The following HEATR3 variants were observed in gnomAD, a reference collection of about 807,000 sequenced individuals.
HEATR3 encodes the protein HEAT repeat containing 3.
Under a neutral mutation model 72.8 loss-of-function variants are expected in HEATR3, and 56 were observed. The observed-to-expected ratio is 0.77, with a 90% CI of 0.62 to 0.96. The LOEUF (loss-of-function observed/expected upper bound fraction) is 0.96, where lower values mean the gene tolerates loss of function less well. Among genes scored for constraint, HEATR3 ranks in the 40% least tolerant of loss-of-function variants. The pLI, the probability that HEATR3 is intolerant of heterozygous loss-of-function variation, is 0.00. For synonymous variants in HEATR3, 331 were observed against 318.1 expected, an observed-to-expected ratio of 1.04 and a Z score of -0.43; for missense variants, 747 against 831.4, an observed-to-expected ratio of 0.90 and a Z score of 1.25.
chr16:50,066,288 C>T lies in HEATR3; in HGVS notation c.138+19C>T, dbSNP rs2150592009. 3 of 1,577,416 alleles carry T rather than the reference C, an allele frequency of 1.9e-6. No homozygotes were observed. Among genetic ancestry groups the T allele is most frequent in the African/African-American group, 1.4e-5 (1 of 73,020 alleles). ...GGAAAAGGTGAGGCGAGGGCTCCGT[C>T]GGGCCGGGAGGCGAGACGAGGTTGC... is the stretch of plus-strand genomic sequence containing the variant. On this transcript the variant is annotated intron_variant, in intron 1 of 14. Transcript: ENST00000299192.
chr16:50,102,524 C>T (rs2037391701), intron 14 of HEATR3, 89 bp downstream of exon 14: 1 of 1,181,706 alleles, frequency 8.5e-7, no homozygotes, highest in Admixed American at 2.1e-5. Context: ...AACTCAGAAG[C>T]ATGTGCATGA....
intron 13 of HEATR3, 109 bp from the exon 14 acceptor site, chr16:50,102,150 C>T: frequency 8.5e-6 from 7 of 824,984 alleles, no homozygotes; most frequent in South Asian, 2.1e-5. Flanking sequence ...TTAATTTTTC[C>T]CTGGCATTTG....
Position 50,104,975 on chromosome 16 carries a change from C to G in HEATR3, c.1957C>G (p.Gln653Glu), listed in dbSNP as rs895233192. ...KEGRGNYSTD[Q>E]LCVLDNVKMN... is the part of the protein sequence containing the mutation. ...AGGGAGAGGTAACTATAGCACAGAT[C>G]AGCTGTGTGTTCTTGACAATGTGAA... Residue 653 changes from glutamine (Q) to glutamate (E), a missense_variant, in exon 15 of 15, where the codon CAG becomes GAG. By Grantham distance (29) the Gln-to-Glu change is conservative. Around this residue, in one of 2 missense-constraint regions of HEATR3, gnomAD observed 586 missense variants for 708.8 expected, o/e 0.83. Transcript: ENST00000299192. 1.2e-6 allele frequency: 2 copies of G among 1,612,090 alleles called. No homozygotes were observed. The highest frequency in any genetic ancestry group is 2.7e-5 in the African/African-American group (2 of 74,916).
In HEATR3 at chr16:50,084,441, T is replaced by C. The variant is rs2036942948; in HGVS notation, c.1291-128T>C. The C allele has an allele frequency of 2.6e-6, 3 of 1,163,410 alleles. No homozygotes were observed. In the African/African-American group the frequency reaches 4.6e-5, roughly 18 times the overall value. 72.1% of individuals were successfully genotyped at this position (1,163,410 alleles called of 1,614,324 possible). On this transcript the variant is annotated intron_variant, in intron 9 of 14. Coordinates refer to ENST00000299192, the MANE Select transcript of HEATR3 (RefSeq NM_182922.4). ...AAGCTGAGCCTAACAGTACTGGAAA[T>C]AGGCGAAAAGGTCATTCTATATGAA... is the stretch of plus-strand genomic sequence containing the variant.
chr16:50,098,520 G>A (rs1435695030), intron 12 of HEATR3, among the ~76,000 whole-genome samples: 1 of 152,108 alleles, frequency 6.6e-6, no homozygotes. Context: ...GCCGGGTGTG[G>A]TGGCGGGTGC....
Position 50,070,229 on chromosome 16 carries a change from C to G in HEATR3, c.451C>G (p.Gln151Glu). 1 of 1,610,710 alleles carries G rather than the reference C, an allele frequency of 6.2e-7. No homozygotes were observed. The highest frequency in any genetic ancestry group is 8.5e-7 in the Non-Finnish European group (1 of 1,177,848). Reference protein sequence around the residue: ...NEMSLQEKKDQNRNSIENIAN... With the variant: ...NEMSLQEKKDENRNSIENIAN... ...GATGTCTCTGCAGGAGAAAAAAGAT[C>G]AGAACAGAAATTCTATTGAGAACAT... The change falls in exon 4 of 15, where the codon CAG (glutamine) becomes GAG (glutamate). Residue 151 changes from glutamine (Q) to glutamate (E), a missense_variant. Gln to Glu is a conservative substitution (Grantham distance 29, BLOSUM62 2). Coordinates refer to ENST00000299192, the MANE Select transcript of HEATR3 (RefSeq NM_182922.4).
chr16:50,070,217 G>T lies in HEATR3; in HGVS notation c.439G>T (p.Glu147Ter). ...GGATTCAAATGAGATGTCTCTGCAG[G>T]AGAAAAAAGATCAGAACAGAAATTC... ...GLDSNEMSLQ[E>*]KKDQNRNSIE... Residue 147 changes from glutamate to a stop codon, truncating the protein, a stop_gained, in exon 4 of 15, where the codon GAG becomes TAG. Coordinates refer to ENST00000299192, the MANE Select transcript of HEATR3 (RefSeq NM_182922.4). LOFTEE classifies it high-confidence loss of function. 1 of 1,609,518 alleles carries T rather than the reference G, an allele frequency of 6.2e-7. No homozygotes were observed. The highest frequency in any genetic ancestry group is 8.5e-7 in the Non-Finnish European group (1 of 1,176,896).
rs2037479192 is a variant in HEATR3, at chr16:50,105,938, A to G, written c.*877A>G. The G allele has an allele frequency of 1.3e-5, 2 of 152,162 alleles. No homozygotes were observed. Among genetic ancestry groups the G allele is most frequent in the Admixed American group, 1.3e-4 (2 of 15,266 alleles). The allele number at this position is 152,162 out of a possible 1,614,324, so 9.4% of individuals were successfully genotyped here. A position where few individuals can be genotyped will look rare whatever the true frequency, so the allele number is the denominator to read the frequency against. On this transcript the variant is annotated 3_prime_UTR_variant, in exon 15 of 15. Transcript: ENST00000299192. The stretch of plus-strand genomic sequence containing the variant: ...GCGCTCTCTAAATTATGTCTCTGGC[A>G]TATTTTAATCACTGGAAACTCAAAG...
intron 11 of HEATR3, among the ~76,000 whole-genome samples, chr16:50,090,873 G>A (rs542121740): frequency 5.9e-5 from 9 of 152,190 alleles, no homozygotes; most frequent in Non-Finnish European, 1.2e-4. Flanking sequence ...GGCTGGGCGC[G>A]GTGGCTCACA....
rs773730741 is a variant in HEATR3, at chr16:50,083,896, C to T, written c.1042-41C>T. On this transcript the variant is annotated intron_variant, in intron 7 of 14. Coordinates refer to ENST00000299192, the MANE Select transcript of HEATR3 (RefSeq NM_182922.4). ...AAATTCCCCAAAAACATTTTCCCAA[C>T]CATTGAGAGTTGGTCATTTACTTTT... 3 of 1,540,088 alleles carry T rather than the reference C, an allele frequency of 1.9e-6. No individual in the cohort carries two copies. In the East Asian group the frequency reaches 6.8e-5, roughly 35 times the overall value.
Position 50,094,759 on chromosome 16 carries a change from T to C in HEATR3, c.1565T>C (p.Leu522Pro). ...GCCATAAGTAGTGCTTTGAGGGCCC[T>C]TTTGCAAACAATGGCCTCCAAGAAC... ...LEAISSALRALLQTMASKNIS... is the reference protein window; with the variant it reads ...LEAISSALRAPLQTMASKNIS... Residue 522 changes from leucine to proline, a missense_variant, in exon 12 of 15, where the codon CTT becomes CCT. By Grantham distance (98) the Leu-to-Pro change is moderately conservative. Transcript: ENST00000299192. The C allele has an allele frequency of 6.3e-7, 1 of 1,595,598 alleles. No individual in the cohort carries two copies. Among genetic ancestry groups the C allele is most frequent in the Non-Finnish European group, 8.5e-7 (1 of 1,172,290 alleles).
At position 50,087,818 on chromosome 16, in the gene HEATR3, T is replaced by C. The variant is rs550649504; in HGVS notation, c.1510+1467T>C. The stretch of plus-strand genomic sequence containing the variant: ...CCTCCTTTTCAGACACAACATTAAG[T>C]CCAAGAATTGAACTCTTAAAAGATC... On this transcript the variant is annotated intron_variant, in intron 11 of 14. Coordinates refer to ENST00000299192, the MANE Select transcript of HEATR3 (RefSeq NM_182922.4). 1.4e-4 allele frequency among the ~76,000 whole-genome samples: 22 copies of C among 152,238 alleles called. No individual in the cohort carries two copies. The East Asian group carries it at 4.1e-3, about 28-fold the overall frequency.
chr16:50,087,853 G>A (rs763774020), intron 11 of HEATR3, among the ~76,000 whole-genome samples: 6 of 152,112 alleles, frequency 3.9e-5, no homozygotes, highest in African/African-American at 9.7e-5. Flanking sequence ...CAGGCCAGGC[G>A]CGGTGGCTCA....
chr16:50,072,949 A>T, intron 5 of HEATR3: 1 of 431,094 alleles, frequency 2.3e-6, no homozygotes, highest in Non-Finnish European at 4.2e-6. Context: ...TTATGTGAGG[A>T]TATGTGGTTT....
At chr16:50,090,660 C>T (rs548989133) in intron 11 of HEATR3, among the ~76,000 whole-genome samples, 7 of 152,218 alleles carry the variant, frequency 4.6e-5, no homozygotes, top group Admixed American at 3.3e-4. Flanking sequence ...AACATCAATG[C>T]GTTTTTTAGC....
At position 50,086,202 on chromosome 16, in the gene HEATR3, A is replaced by G. The variant is rs1271387749; in HGVS notation, c.1374-13A>G. On this transcript the variant is annotated splice_polypyrimidine_tract_variant and intron_variant, in intron 10 of 14. Transcript: ENST00000299192. The stretch of plus-strand genomic sequence containing the variant: ...CTGGAGAATCAGATGGCATTGTTTC[A>G]CTTCCTTTCCAGAATGAACACTATT... 1 of 1,566,916 alleles carries G rather than the reference A, an allele frequency of 6.4e-7. No individual in the cohort carries two copies. Among genetic ancestry groups the G allele is most frequent in the Admixed American group, 1.9e-5 (1 of 52,980 alleles).
chr16:50,069,966 A>C (rs905882667), intron 3 of HEATR3, among the ~76,000 whole-genome samples: 2 of 152,210 alleles, frequency 1.3e-5, no homozygotes, highest in African/African-American at 2.4e-5. Context: ...AGAAGCTCTT[A>C]TTTCATCTTT....
At chr16:50,101,750 T>C (rs191979698) in intron 13 of HEATR3, among the ~76,000 whole-genome samples, 43 of 152,260 alleles carry the variant, frequency 2.8e-4, no homozygotes, top group African/African-American at 9.9e-4. Flanking sequence ...ATCAGTCCTA[T>C]TTTACGTTTT....
At chr16:50,067,369 G>A (rs1180319160) in intron 2 of HEATR3, among the ~76,000 whole-genome samples, 3 of 151,528 alleles carry the variant, frequency 2.0e-5, no homozygotes, top group Admixed American at 1.3e-4. Context: ...AAAAAAAAAG[G>A]TGCTCTTTAG....
Sources: gnomAD v4.1 joint callset for allele counts (sites outside exome capture counted in the v4.1 genomes callset) on GRCh38, gnomAD v4.1.1 for gene constraint, gnomAD v4.1.1 regional missense constraint, MANE v1.5 for transcripts, NCBI Gene and HGNC (gene_info 2026-07-23, HGNC 2026-07-21) for gene names.